The following C2CD5 variants were observed in gnomAD, a reference collection of about 807,000 sequenced individuals.
The protein encoded by C2CD5 is C2 calcium dependent domain containing 5.
C2CD5 carries 109 observed loss-of-function variants against 130.3 expected under a neutral mutation model. The observed-to-expected ratio is 0.84, with a 90% confidence interval of 0.72 to 0.98. C2CD5 has a LOEUF of 0.98. C2CD5 is among the 50% of genes least tolerant of loss of function. C2CD5 has a pLI of 0.00. For missense variants in C2CD5, 996 were observed against 1,261.8 expected (o/e 0.79, Z 3.19); for synonymous variants, 454 against 429.2 (o/e 1.06, Z -0.71).
At chr12:22,480,883 C>A (rs1464370549) in intron 14 of C2CD5, among the ~76,000 whole-genome samples, 1 of 152,016 alleles carries the variant, frequency 6.6e-6, no homozygotes, top group East Asian at 1.9e-4. Flanking sequence ...CGGCTCACTG[C>A]AGCCTCAAGC....
At chr12:22,518,363 A>G (rs968200562) in intron 7 of C2CD5, among the ~76,000 whole-genome samples, 2 of 152,218 alleles carry the variant, frequency 1.3e-5, no homozygotes, top group African/African-American at 4.8e-5. Context: ...GTGAAAAAGC[A>G]AAAAAGCATG....
chr12:22,452,544 T>G (rs542066597), intron 26 of C2CD5, among the ~76,000 whole-genome samples: 1 of 152,200 alleles, frequency 6.6e-6, no homozygotes, highest in Admixed American at 6.5e-5. Flanking sequence ...AAAACCCTCC[T>G]AGGATGTTTC....
chr12:22,535,380 T>A, intron 2 of C2CD5, 36 bp from the exon 3 acceptor site: 1 of 1,114,178 alleles, frequency 9.0e-7, no homozygotes, highest in Non-Finnish European at 1.4e-6. Flanking sequence ...CATATGAATA[T>A]CAAAAATGTG....
At position 22,542,014 on chromosome 12, in the gene C2CD5, C is replaced by T. The variant is rs919211748; in HGVS notation, c.90+2047G>A. 3.9e-5 allele frequency among the ~76,000 whole-genome samples: 6 copies of T among 152,176 alleles called. No homozygotes were observed. The South Asian group carries it at 8.3e-4, about 21-fold the overall frequency. Reference sequence around the variant, plus strand: ...CCCCCTTCCTCACCAGCAAAATCCACCTAGTTATCAAGGCCTGACTATTTT... The same window carrying T: ...CCCCCTTCCTCACCAGCAAAATCCATCTAGTTATCAAGGCCTGACTATTTT... On this transcript the variant is annotated intron_variant, in intron 2 of 26. Transcript: ENST00000446597.
In C2CD5 at chr12:22,471,610, CTTTTG is replaced by C. The variant is rs553959149; in HGVS notation, c.2269-127_2269-123del. ...TTAAAAATAAAACAAAACTGGTCCA[CTTTTG>C]TTTTGTGTATTTTTACACTAACGAT... On this transcript the variant is annotated intron_variant, in intron 19 of 26. Coordinates refer to ENST00000446597, the MANE Select transcript of C2CD5 (RefSeq NM_001286176.2). 195 of 516,706 alleles carry C rather than the reference CTTTTG, an allele frequency of 3.8e-4. 1 individual carries two copies. The highest frequency in any genetic ancestry group is 2.4e-3 in the African/African-American group (120 of 50,638). 32.0% of individuals were successfully genotyped at this position (516,706 alleles called of 1,614,324 possible).
At chr12:22,467,951 GCAGAATT>G (rs1942364391) in intron 22 of C2CD5, among the ~76,000 whole-genome samples, 1 of 152,080 alleles carries the variant, frequency 6.6e-6, no homozygotes, top group Non-Finnish European at 1.5e-5. Context: ...CTAATCTTCT[GCAGAATT>G]CAGTAGGTAT....
intron 14 of C2CD5, among the ~76,000 whole-genome samples, chr12:22,479,657 A>C (rs1944420804): frequency 6.6e-6 from 1 of 152,160 alleles, no homozygotes; most frequent in African/African-American, 2.4e-5. Flanking sequence ...TAATTAGCAG[A>C]GAAAAGTGTT....
intron 3 of C2CD5, among the ~76,000 whole-genome samples, chr12:22,531,014 T>A (rs1367288117): frequency 6.6e-6 from 1 of 152,116 alleles, no homozygotes; most frequent in Non-Finnish European, 1.5e-5. Flanking sequence ...TTTTTAACCA[T>A]TTCTAGGTTA....
chr12:22,470,325 T>C (rs1034923325), intron 21 of C2CD5, among the ~76,000 whole-genome samples: 1 of 152,160 alleles, frequency 6.6e-6, no homozygotes, highest in African/African-American at 2.4e-5. Flanking sequence ...TCCCCCATTA[T>C]GTGTTTTTCA....
intron 10 of C2CD5, among the ~76,000 whole-genome samples, chr12:22,503,498 C>A (rs1009432812): frequency 3.3e-5 from 5 of 152,180 alleles, no homozygotes; most frequent in Admixed American, 2.0e-4. Flanking sequence ...ATAAAACAAT[C>A]CGAAGAATGT....
At position 22,482,549 on chromosome 12, in the gene C2CD5, A is replaced by C; in HGVS notation, c.1737+8T>G. 6.2e-7 allele frequency: 1 copy of C among 1,609,514 alleles called. No individual in the cohort carries two copies. Among genetic ancestry groups the C allele is most frequent in the South Asian group, 1.1e-5 (1 of 90,790 alleles). On this transcript the variant is annotated splice_region_variant and intron_variant, in intron 14 of 26. Transcript: ENST00000446597. ...TCATAAAACAAAACCAAAAACATCT[A>C]AACTTACCGCTAAGCCCATCAACAT...
At chr12:22,481,480 T>C (rs1269545170) in intron 14 of C2CD5, among the ~76,000 whole-genome samples, 4 of 152,108 alleles carry the variant, frequency 2.6e-5, no homozygotes, top group Admixed American at 2.6e-4. Flanking sequence ...CAATACACTT[T>C]TTGCAGGCAC....
At chr12:22,509,467 G>A (rs1474976241) in intron 9 of C2CD5, among the ~76,000 whole-genome samples, 1 of 152,082 alleles carries the variant, frequency 6.6e-6, no homozygotes, top group Non-Finnish European at 1.5e-5. Context: ...GCCCATTGAG[G>A]CCACGACCCA....
At chr12:22,532,801 A>C (rs1317690420) in intron 3 of C2CD5, among the ~76,000 whole-genome samples, 1 of 152,206 alleles carries the variant, frequency 6.6e-6, no homozygotes, top group Non-Finnish European at 1.5e-5. Flanking sequence ...ACCCTGCAAG[A>C]GCTAAACTTT....
Position 22,493,241 on chromosome 12 carries a change from C to T in C2CD5, c.1244G>A (p.Ser415Asn), listed in dbSNP as rs994403738. ...ALGCHAVVGY[S>N]ESTSICEEVC... is the part of the protein sequence containing the mutation. ...CATTTACCAGATGCTAGTTGATTCA[C>T]TGTAGCCCACTACAGCATGACAGCC... Residue 415 changes from serine to asparagine, a missense_variant, in exon 11 of 27, where the codon AGT becomes AAT. Physicochemically the swap from Ser to Asn is conservative, Grantham distance 46. This residue lies in a region of C2CD5 where 590 missense variants were observed against 631.4 expected (regional missense o/e 0.93). Transcript: ENST00000446597. 6 of 1,601,104 alleles carry T rather than the reference C, an allele frequency of 3.7e-6. No homozygotes were observed. Among genetic ancestry groups the T allele is most frequent in the African/African-American group, 2.7e-5 (2 of 74,632 alleles).
chr12:22,459,996 C>A (rs533788903), intron 22 of C2CD5, among the ~76,000 whole-genome samples: 4 of 152,166 alleles, frequency 2.6e-5, no homozygotes, highest in Admixed American at 1.3e-4. Context: ...CACAGATCAG[C>A]ATAAGCTGCT....
chr12:22,519,793 T>C (rs1048587780), intron 7 of C2CD5, among the ~76,000 whole-genome samples: 2 of 152,098 alleles, frequency 1.3e-5, no homozygotes, highest in African/African-American at 2.4e-5. Flanking sequence ...AGTGAACTGA[T>C]TGGATATACG....
At chr12:22,507,498 A>T (rs1014488892) in intron 9 of C2CD5, among the ~76,000 whole-genome samples, 1 of 152,256 alleles carries the variant, frequency 6.6e-6, no homozygotes, top group Non-Finnish European at 1.5e-5. Context: ...AAGTTCTTGC[A>T]AGCTTTATTC....
At position 22,532,011 on chromosome 12, in the gene C2CD5, G is replaced by A. The variant is rs1220009472; in HGVS notation, c.177+3247C>T. Among the ~76,000 whole-genome samples, 3 of 152,274 alleles carry A rather than the reference G, an allele frequency of 2.0e-5. No individual in the cohort carries two copies. In the East Asian group the frequency reaches 5.8e-4, roughly 29 times the overall value. On this transcript the variant is annotated intron_variant, in intron 3 of 26. Transcript: ENST00000446597. ...TTAAACCCACTTTCTGCCAAACGCT[G>A]AATGTCTATCCAAAATGCTGAGTGA... is the stretch of plus-strand genomic sequence containing the variant.
Sources: gnomAD v4.1 joint callset for allele counts (sites outside exome capture counted in the v4.1 genomes callset) on GRCh38, gnomAD v4.1.1 for gene constraint, gnomAD v4.1.1 regional missense constraint, MANE v1.5 for transcripts, NCBI Gene and HGNC (gene_info 2026-07-23, HGNC 2026-07-21) for gene names.